The following LAPTM4B variants were observed in gnomAD, a reference collection of about 807,000 sequenced individuals.
LAPTM4B encodes the protein lysosomal protein transmembrane 4 beta.
A neutral mutation model predicts 28.5 loss-of-function variants in LAPTM4B; 26 were observed. The observed-to-expected ratio is 0.91, with a 90% CI of 0.67 to 1.27. The LOEUF is 1.27. Among genes scored for constraint, LAPTM4B ranks in the 50% most tolerant of loss-of-function variants. The pLI, the probability that LAPTM4B is intolerant of heterozygous loss-of-function variation, is 0.00. For missense variants in LAPTM4B, 288 were observed against 285.8 expected (o/e 1.01, Z -0.06); for synonymous variants, 109 against 106.4 (o/e 1.02, Z -0.15).
chr8:97,783,494 G>A (rs578227453), intron 1 of LAPTM4B, among the ~76,000 whole-genome samples: 1 of 152,246 alleles, frequency 6.6e-6, no homozygotes, highest in African/African-American at 2.4e-5. Context: ...GCTGTTTGTG[G>A]AGATTTGCAT....
At chr8:97,846,861 G>A (rs1416517395) in intron 6 of LAPTM4B, among the ~76,000 whole-genome samples, 1 of 152,190 alleles carries the variant, frequency 6.6e-6, no homozygotes, top group African/African-American at 2.4e-5. Flanking sequence ...TACCCAGCCA[G>A]TTTCCCCAAA....
chr8:97,782,510 C>G (rs1816337644), intron 1 of LAPTM4B, among the ~76,000 whole-genome samples: 1 of 151,862 alleles, frequency 6.6e-6, no homozygotes, highest in Non-Finnish European at 1.5e-5. Flanking sequence ...GCAGTCTCAG[C>G]TCACTGCAAC....
At chr8:97,787,122 G>C (rs1816415355) in intron 1 of LAPTM4B, among the ~76,000 whole-genome samples, 2 of 152,008 alleles carry the variant, frequency 1.3e-5, no homozygotes, top group South Asian at 4.1e-4. Flanking sequence ...CACCATGTTT[G>C]TGTCCTGGCC....
At chr8:97,787,497 G>A (rs1816422451) in intron 1 of LAPTM4B, among the ~76,000 whole-genome samples, 2 of 152,172 alleles carry the variant, frequency 1.3e-5, no homozygotes, top group African/African-American at 4.8e-5. Flanking sequence ...TGTTAGCCAG[G>A]ATGGTCTCGA....
At chr8:97,794,944 T>C (rs1816559160) in intron 1 of LAPTM4B, among the ~76,000 whole-genome samples, 1 of 152,188 alleles carries the variant, frequency 6.6e-6, no homozygotes, top group Non-Finnish European at 1.5e-5. Flanking sequence ...ACTCCTGACC[T>C]CAGGTGATCC....
rs1227249416 is a variant in LAPTM4B at position 97,825,082 on chromosome 8, A to C, written c.532A>C (p.Asn178His). The change falls in exon 6 of 7, where the codon AAC (asparagine) becomes CAC (histidine). Residue 178 changes from asparagine to histidine, a missense_variant. Transcript: ENST00000521545. ...FKGYLISCVW[N>H]CYRYINGRNS... ...GGGTTACTTGATTAGCTGTGTTTGG[A>C]ACTGCTACCGATACATCAATGGTAG... 1.2e-6 allele frequency: 2 copies of C among 1,610,450 alleles called. No homozygotes were observed. Among genetic ancestry groups the C allele is most frequent in the Admixed American group, 1.7e-5 (1 of 59,976 alleles).
chr8:97,816,185 G>A lies in LAPTM4B; in HGVS notation c.408+5G>A, dbSNP rs879531308. On this transcript the variant is annotated splice_donor_5th_base_variant and intron_variant, in intron 4 of 6. Transcript: ENST00000521545. ...CAGGAATACATACGGCAACTGGTAC[G>A]TGGACCTCTTACTGCTCCTTTTCAT... The A allele has an allele frequency of 3.2e-6, 5 of 1,577,358 alleles. No individual in the cohort carries two copies. The African/African-American group carries it at 4.0e-5, about 13-fold the overall frequency.
Position 97,789,256 on chromosome 8 carries a change from G to A in LAPTM4B, c.99+13148G>A, listed in dbSNP as rs1371892684. Among the ~76,000 whole-genome samples the A allele has an allele frequency of 2.6e-5, 4 of 151,222 alleles. No individual in the cohort carries two copies. In the South Asian group the frequency reaches 8.4e-4, roughly 32 times the overall value. ...GCCCGGCTAATTTTTTGTATTTTTA[G>A]TAGAGATGGGGTTTCACCATGTTGG... On this transcript the variant is annotated intron_variant, in intron 1 of 6. Transcript: ENST00000521545.
intron 6 of LAPTM4B, 28 bp downstream of exon 6, chr8:97,825,181 A>G: frequency 1.6e-6 from 2 of 1,234,616 alleles, no homozygotes; most frequent in Non-Finnish European, 2.4e-6. Context: ...TATGGTAGAG[A>G]TCTCGCCCAC....
intron 2 of LAPTM4B, among the ~76,000 whole-genome samples, chr8:97,808,004 A>G (rs1816779625): frequency 6.6e-6 from 1 of 151,556 alleles, no homozygotes; most frequent in African/African-American, 2.4e-5. Flanking sequence ...TGTTTTTTGT[A>G]GAGATGGGGT....
chr8:97,827,978 C>CG (rs1201144403), intron 6 of LAPTM4B, among the ~76,000 whole-genome samples: 2 of 152,094 alleles, frequency 1.3e-5, no homozygotes, highest in African/African-American at 2.4e-5. Flanking sequence ...TAAGCTAAGA[C>CG]GGCAGCTAGC....
rs1273964981 is a variant in LAPTM4B, at chr8:97,851,826, A to T, written c.*352A>T. ...TTCTCTCTGTTCCCTCTCTTTTGAA[A>T]ATGTAAAATAAAACCAAAAATAGAC... On this transcript the variant is annotated 3_prime_UTR_variant, in exon 7 of 7. Coordinates refer to ENST00000521545, the MANE Select transcript of LAPTM4B (RefSeq NM_018407.6). The T allele has an allele frequency of 4.2e-6, 1 of 237,828 alleles. No individual in the cohort carries two copies. Among genetic ancestry groups the T allele is most frequent in the East Asian group, 9.5e-5 (1 of 10,528 alleles). 14.7% of individuals were successfully genotyped at this position (237,828 alleles called of 1,614,324 possible).
chr8:97,786,712 A>AC (rs1816409066), intron 1 of LAPTM4B, among the ~76,000 whole-genome samples: 1 of 151,186 alleles, frequency 6.6e-6, no homozygotes, highest in Non-Finnish European at 1.5e-5. Context: ...AAAAAAAAAA[A>AC]AAAAACCATT....
intron 6 of LAPTM4B, among the ~76,000 whole-genome samples, chr8:97,834,144 G>GGAAAA (rs1554593011): frequency 1.3e-5 from 1 of 75,344 alleles, no homozygotes. Flanking sequence ...TGTCTCTACA[G>GGAAAA]AAAAAAAAAA....
At chr8:97,835,339 C>G (rs1474068524) in intron 6 of LAPTM4B, among the ~76,000 whole-genome samples, 2 of 152,190 alleles carry the variant, frequency 1.3e-5, no homozygotes, top group African/African-American at 2.4e-5. Flanking sequence ...CAGATGTGCT[C>G]TTTCCCAAAA....
In LAPTM4B at chr8:97,852,191, T is replaced by A. The variant is rs1226618127; in HGVS notation, c.*717T>A. ...TGGATGTGTTTGGCGCTGCATGGGA[T>A]CTGGTGCCCCTCTTCTCCTGGATTC... is the stretch of plus-strand genomic sequence containing the variant. On this transcript the variant is annotated 3_prime_UTR_variant, in exon 7 of 7. Coordinates refer to ENST00000521545, the MANE Select transcript of LAPTM4B (RefSeq NM_018407.6). The A allele has an allele frequency of 6.6e-6, 1 of 152,408 alleles. No homozygotes were observed. Among genetic ancestry groups the A allele is most frequent in the African/African-American group, 2.4e-5 (1 of 41,440 alleles). 9.4% of individuals were successfully genotyped at this position (152,408 alleles called of 1,614,324 possible).
intron 5 of LAPTM4B, among the ~76,000 whole-genome samples, chr8:97,824,838 A>T (rs1267164851): frequency 8.8e-6 from 1 of 114,162 alleles, no homozygotes; most frequent in East Asian, 2.7e-4. Flanking sequence ...CCATACCCCC[A>T]TTGGTGTAAT....
intron 6 of LAPTM4B, among the ~76,000 whole-genome samples, chr8:97,835,960 A>T (rs1817254864): frequency 6.6e-6 from 1 of 152,200 alleles, no homozygotes; most frequent in South Asian, 2.1e-4. Flanking sequence ...TCATAGGAGC[A>T]CAGACCCTAT....
chr8:97,776,024 GC>G lies in LAPTM4B; in HGVS notation c.18del (p.Trp7GlyfsTer27). On this transcript the variant is annotated frameshift_variant, in exon 1 of 7. Transcript: ENST00000521545. LOFTEE classifies it high-confidence loss of function. MKMVAPWTRFYSNSCC... is the reference protein window; with the variant it reads MKMVAXWTRFYSNSCC... ...CGCCCGGAGCGATGAAGATGGTCGCGCCCTGGACGCGGTTCTACTCCAACAG... is the reference window on the plus strand; with the variant it reads ...CGCCCGGAGCGATGAAGATGGTCGCGCCTGGACGCGGTTCTACTCCAACAG... The G allele has an allele frequency of 1.3e-6, 2 of 1,579,584 alleles. No homozygotes were observed. Among genetic ancestry groups the G allele is most frequent in the Non-Finnish European group, 8.6e-7 (1 of 1,167,238 alleles).
Sources: allele counts gnomAD v4.1 joint callset (sites outside exome capture counted in the v4.1 genomes callset), GRCh38; gene constraint gnomAD v4.1.1; transcripts MANE v1.5; gene names NCBI Gene and HGNC (gene_info 2026-07-23, HGNC 2026-07-21).